GLYAT: variants seen among roughly 807,000 people sequenced by gnomAD.
GLYAT encodes the protein glycine N-acyltransferase.
In GLYAT, 25 loss-of-function variants were observed where a neutral mutation model predicts 22.8. That is an observed-to-expected ratio of 1.09 (90% CI 0.80 to 1.53). GLYAT has a LOEUF of 1.53. Among genes scored for constraint, GLYAT ranks in the 40% most tolerant of loss-of-function variants. GLYAT has a pLI of 0.00. For missense variants in GLYAT, 411 were observed against 353.9 expected (o/e 1.16, Z -1.29); for synonymous variants, 140 against 122.7 (o/e 1.14, Z -0.93).
intron 1 of GLYAT, among the ~76,000 whole-genome samples, chr11:58,729,634 C>T (rs1856851111): frequency 1.3e-5 from 2 of 152,124 alleles, no homozygotes; most frequent in South Asian, 2.1e-4. Context: ...TGTCTAATCA[C>T]TCCACTTTCC....
rs777340171 is a variant in GLYAT, at chr11:58,712,739, C to T, written c.316+21G>A. 5 of 1,609,612 alleles carry T rather than the reference C, an allele frequency of 3.1e-6. No homozygotes were observed. The South Asian group carries it at 5.5e-5, about 18-fold the overall frequency. On this transcript the variant is annotated intron_variant, in intron 4 of 5. Transcript: ENST00000344743. ...CAGGACACATAAGTGAGTCAGCACACATCCCATTCCTCTTACTTACTTTGA... is the reference window on the plus strand; with the variant it reads ...CAGGACACATAAGTGAGTCAGCACATATCCCATTCCTCTTACTTACTTTGA...
At chr11:58,722,254 T>C (rs970241712) in intron 2 of GLYAT, among the ~76,000 whole-genome samples, 2 of 151,952 alleles carry the variant, frequency 1.3e-5, no homozygotes, top group East Asian at 3.9e-4. Context: ...AATGCTCCCA[T>C]GGTTACCAAA....
chr11:58,723,637 C>G (rs974814236), intron 2 of GLYAT, among the ~76,000 whole-genome samples: 1 of 151,850 alleles, frequency 6.6e-6, no homozygotes, highest in African/African-American at 2.4e-5. Context: ...TAAAGAGATA[C>G]ACACACACAT....
chr11:58,731,689 T>A (rs1856873451), intron 1 of GLYAT, 146 bp downstream of exon 1: 1 of 152,192 alleles, frequency 6.6e-6, no homozygotes. Context: ...TTTGTCGTTG[T>A]TTTTATGTAA....
At chr11:58,717,185 A>G (rs1375004923) in intron 2 of GLYAT, among the ~76,000 whole-genome samples, 1 of 152,120 alleles carries the variant, frequency 6.6e-6, no homozygotes, top group Non-Finnish European at 1.5e-5. Context: ...CTTTTGGAGA[A>G]AGCATTTAAC....
chr11:58,719,261 G>A (rs1856720264), intron 2 of GLYAT, among the ~76,000 whole-genome samples: 1 of 151,792 alleles, frequency 6.6e-6, no homozygotes, highest in South Asian at 2.1e-4. Context: ...TTTTGAGAAA[G>A]GAAATTTAAT....
chr11:58,712,466 G>T (rs931901573), intron 4 of GLYAT, among the ~76,000 whole-genome samples: 1 of 152,112 alleles, frequency 6.6e-6, no homozygotes, highest in Non-Finnish European at 1.5e-5. Context: ...AGTCCAGAGG[G>T]AAGGCTCTTC....
At chr11:58,724,550 G>A (rs1399653999) in intron 1 of GLYAT, 39 bp from the exon 2 acceptor site, 2 of 1,130,416 alleles carry the variant, frequency 1.8e-6, no homozygotes, top group Non-Finnish European at 2.5e-6. Flanking sequence ...ATTGAGAAAA[G>A]CTAGAGGAGA....
intron 4 of GLYAT, among the ~76,000 whole-genome samples, chr11:58,711,768 T>C (rs531732187): frequency 5.9e-5 from 9 of 152,336 alleles, no homozygotes; most frequent in African/African-American, 1.9e-4. Flanking sequence ...CCTCCTCTGC[T>C]GCAACTTACC....
intron 4 of GLYAT, among the ~76,000 whole-genome samples, chr11:58,711,335 G>A (rs1439592504): frequency 6.6e-6 from 1 of 152,130 alleles, no homozygotes; most frequent in African/African-American, 2.4e-5. Flanking sequence ...GGACATGTCA[G>A]GTTATACATA....
At chr11:58,729,181 G>A (rs753093604) in intron 1 of GLYAT, among the ~76,000 whole-genome samples, 25 of 152,202 alleles carry the variant, frequency 1.6e-4, no homozygotes, top group South Asian at 6.2e-4. Flanking sequence ...AGCACCTCTG[G>A]TCTTTCTACA....
chr11:58,711,820 T>G (rs1856619758), intron 4 of GLYAT, among the ~76,000 whole-genome samples: 1 of 152,202 alleles, frequency 6.6e-6, no homozygotes, highest in Non-Finnish European at 1.5e-5. Flanking sequence ...AAGAGCAAAT[T>G]TAATGCAAGG....
At chr11:58,719,459 T>C (rs1856722907) in intron 2 of GLYAT, among the ~76,000 whole-genome samples, 1 of 152,040 alleles carries the variant, frequency 6.6e-6, no homozygotes, top group Non-Finnish European at 1.5e-5. Context: ...GGGGTCTATA[T>C]GCTGGTTTTT....
At chr11:58,715,859 T>G (rs1323315777) in intron 2 of GLYAT, among the ~76,000 whole-genome samples, 1 of 152,200 alleles carries the variant, frequency 6.6e-6, no homozygotes, top group Non-Finnish European at 1.5e-5. Context: ...AACTTTTCAC[T>G]CAAATAAATA....
In GLYAT at chr11:58,710,706, G is replaced by C; in HGVS notation, c.372C>G (p.Phe124Leu). ...GAATGCGTTGTGTTTGTTTGACTTTGAAGGACTTAATGGCTGCAAGATTTT... is the reference window on the plus strand; with the variant it reads ...GAATGCGTTGTGTTTGTTTGACTTTCAAGGACTTAATGGCTGCAAGATTTT... Reference protein sequence around the residue: ...AIQNLAAIKSFKVKQTQRILY... With the variant: ...AIQNLAAIKSLKVKQTQRILY... The change falls in exon 5 of 6, where the codon TTC becomes TTG. Residue 124 changes from phenylalanine (F) to leucine (L), a missense_variant. Physicochemically the swap from Phe to Leu is conservative, Grantham distance 22. Coordinates refer to ENST00000344743, the MANE Select transcript of GLYAT (RefSeq NM_201648.3). 6.2e-7 allele frequency: 1 copy of C among 1,613,568 alleles called. No homozygotes were observed. The highest frequency in any genetic ancestry group is 1.1e-5 in the South Asian group (1 of 91,072).
chr11:58,718,069 G>C lies in GLYAT; in HGVS notation c.82-2646C>G, dbSNP rs78962616. Among the ~76,000 whole-genome samples, 717 of 151,934 alleles carry C rather than the reference G, an allele frequency of 4.7e-3. 6 individuals carry two copies. Among genetic ancestry groups the C allele is most frequent in the Middle Eastern group, 0.021 (6 of 292 alleles). On this transcript the variant is annotated intron_variant, in intron 2 of 5. Coordinates refer to ENST00000344743, the MANE Select transcript of GLYAT (RefSeq NM_201648.3). ...CAGGGACTGTGTACACAAAATATAT[G>C]GACATTTTTTTCAAGGGCTTTATTG...
chr11:58,727,980 C>G lies in GLYAT; in HGVS notation c.-15-3469G>C, dbSNP rs73475704. Among the ~76,000 whole-genome samples, 269 of 150,818 alleles carry G rather than the reference C, an allele frequency of 1.8e-3. 2 individuals carry two copies. Among genetic ancestry groups the G allele is most frequent in the African/African-American group, 6.4e-3 (261 of 41,064 alleles). ...CAAAAGTTCAAACTACTCACTTGGT[C>G]TCTCAGGTCACCCACTTTGCCCTCT... On this transcript the variant is annotated intron_variant, in intron 1 of 5. Transcript: ENST00000344743.
chr11:58,722,555 G>C (rs986624564), intron 2 of GLYAT, among the ~76,000 whole-genome samples: 1 of 152,092 alleles, frequency 6.6e-6, no homozygotes, highest in East Asian at 1.9e-4. Flanking sequence ...ACAGATATGT[G>C]AGACAAACAA....
At position 58,708,798 on chromosome 11, in the gene GLYAT, TAAAC is replaced by T. The variant is rs1856572613; in HGVS notation, c.*964_*967del. On this transcript the variant is annotated 3_prime_UTR_variant, in exon 6 of 6. Transcript: ENST00000344743. Reference sequence around the variant, plus strand: ...TTAATTATTTTATTATTATTTTAAATAAACAAATAAGTTCAGACTGTTATTTATG... The same window carrying T: ...TTAATTATTTTATTATTATTTTAAATAAATAAGTTCAGACTGTTATTTATG... 1 of 152,210 alleles carries T rather than the reference TAAAC, an allele frequency of 6.6e-6. No homozygotes were observed. Among genetic ancestry groups the T allele is most frequent in the African/African-American group, 2.4e-5 (1 of 41,456 alleles). 9.4% of individuals were successfully genotyped at this position (152,210 alleles called of 1,614,324 possible).
Sources: allele counts gnomAD v4.1 joint callset (sites outside exome capture counted in the v4.1 genomes callset), GRCh38; gene constraint gnomAD v4.1.1; transcripts MANE v1.5; gene names NCBI Gene and HGNC (gene_info 2026-07-23, HGNC 2026-07-21).